The following TMEM132C variants were observed in gnomAD, a reference collection of about 807,000 sequenced individuals.
The protein encoded by TMEM132C is transmembrane protein 132C, also known as protein phosphatase 1, regulatory subunit 152.
TMEM132C carries 29 observed loss-of-function variants against 61.4 expected under a neutral mutation model. The ratio of observed to expected loss-of-function variants is 0.47; its 90% confidence interval spans 0.35 to 0.64. TMEM132C has a LOEUF of 0.64. Ranked by LOEUF, TMEM132C falls within the 30% of genes least tolerant of loss-of-function variation. The pLI, the probability that TMEM132C is intolerant of heterozygous loss-of-function variation, is 0.00. For synonymous variants in TMEM132C, 656 were observed against 633.1 expected, an observed-to-expected ratio of 1.04 and a Z score of -0.54; for missense variants, 1,408 against 1,476.9, an observed-to-expected ratio of 0.95 and a Z score of 0.76.
intron 2 of TMEM132C, among the ~76,000 whole-genome samples, chr12:128,456,927 G>A (rs969894622): frequency 1.1e-4 from 17 of 151,872 alleles, no homozygotes; most frequent in African/African-American, 3.6e-4. Flanking sequence ...CACTATTTTC[G>A]CTGGCTTCCT....
chr12:128,299,401 G>A (rs1871524829), intron 1 of TMEM132C, among the ~76,000 whole-genome samples: 2 of 152,236 alleles, frequency 1.3e-5, no homozygotes, highest in African/African-American at 4.8e-5. Context: ...TAGATGAGCT[G>A]GTCCATGAGA....
chr12:128,353,092 AC>A (rs2135964300), intron 1 of TMEM132C, among the ~76,000 whole-genome samples: 1 of 152,352 alleles, frequency 6.6e-6, no homozygotes, highest in Admixed American at 6.5e-5. Flanking sequence ...AAAGCATATA[AC>A]AAAGTAGAGA....
chr12:128,341,859 C>A (rs1305392005), intron 1 of TMEM132C, among the ~76,000 whole-genome samples: 2 of 144,150 alleles, frequency 1.4e-5, no homozygotes, highest in Non-Finnish European at 3.0e-5. Flanking sequence ...ATCTTAACTA[C>A]TCGATAAACC....
chr12:128,281,416 G>A (rs564210689), intron 1 of TMEM132C, among the ~76,000 whole-genome samples: 3 of 152,318 alleles, frequency 2.0e-5, no homozygotes, highest in South Asian at 2.1e-4. Context: ...GCTCCACTGT[G>A]TAGACATGGG....
chr12:128,399,341 C>T (rs1875069195), intron 1 of TMEM132C, among the ~76,000 whole-genome samples: 1 of 152,138 alleles, frequency 6.6e-6, no homozygotes, highest in Admixed American at 6.5e-5. Flanking sequence ...ATAATTGGGA[C>T]TCTCAGGGTT....
chr12:128,430,211 C>T (rs1244240329), intron 2 of TMEM132C, among the ~76,000 whole-genome samples: 1 of 152,172 alleles, frequency 6.6e-6, no homozygotes, highest in East Asian at 1.9e-4. Context: ...CACTTCGCTT[C>T]GTATGACACA....
intron 4 of TMEM132C, among the ~76,000 whole-genome samples, chr12:128,656,268 C>G (rs1392999090): frequency 6.6e-6 from 1 of 152,182 alleles, no homozygotes; most frequent in Non-Finnish European, 1.5e-5. Flanking sequence ...CCAGGCTGGT[C>G]TCGAACTCCT....
At chr12:128,270,387 G>C (rs1235554904) in intron 1 of TMEM132C, among the ~76,000 whole-genome samples, 3 of 152,184 alleles carry the variant, frequency 2.0e-5, no homozygotes, top group Non-Finnish European at 4.4e-5. Context: ...ATTGCACATC[G>C]TGCTGACTTT....
intron 1 of TMEM132C, among the ~76,000 whole-genome samples, chr12:128,371,850 A>T (rs778530149): frequency 5.3e-5 from 8 of 152,214 alleles, no homozygotes; most frequent in Non-Finnish European, 8.8e-5. Flanking sequence ...AAGCACCAGG[A>T]TTACAGACAT....
chr12:128,501,298 T>A (rs1211201207), intron 2 of TMEM132C, among the ~76,000 whole-genome samples: 1 of 152,194 alleles, frequency 6.6e-6, no homozygotes, highest in Non-Finnish European at 1.5e-5. Context: ...AGGCTGGTGG[T>A]CAATTTTGAA....
At chr12:128,531,548 TACAC>T (rs774635236) in intron 2 of TMEM132C, among the ~76,000 whole-genome samples, 4 of 152,326 alleles carry the variant, frequency 2.6e-5, no homozygotes, top group South Asian at 2.1e-4. Context: ...CACACATGCA[TACAC>T]ACACATAACC....
intron 3 of TMEM132C, among the ~76,000 whole-genome samples, chr12:128,614,164 T>C (rs537835857): frequency 5.9e-5 from 9 of 152,342 alleles, no homozygotes; most frequent in African/African-American, 2.2e-4. Flanking sequence ...GTTCTATTGA[T>C]CAACAGCTCT....
intron 7 of TMEM132C, among the ~76,000 whole-genome samples, chr12:128,696,916 C>T (rs1300009339): frequency 1.5e-4 from 23 of 152,130 alleles, no homozygotes; most frequent in Admixed American, 1.4e-3. Context: ...TACAGTTAAC[C>T]AGGTCGTGCA....
intron 1 of TMEM132C, among the ~76,000 whole-genome samples, chr12:128,392,064 T>TCTCTCTCTCTCTCTCTCTCTCTCTCTCTC (rs1555222005): frequency 7.7e-6 from 1 of 130,494 alleles, no homozygotes; most frequent in African/African-American, 3.3e-5. Flanking sequence ...CTCTCTCTCT[T>TCTCTCTCTCTCTCTCTCTCTCTCTCTCTC]TCTCTCTCTC....
At position 128,543,922 on chromosome 12, in the gene TMEM132C, C is replaced by G. The variant is rs2093469659; in HGVS notation, c.975-35C>G. The G allele has an allele frequency of 1.9e-6, 3 of 1,539,638 alleles. No individual in the cohort carries two copies. In the African/African-American group the frequency reaches 4.1e-5, roughly 21 times the overall value. ...ACGTTGGAAAGGCCAAGCCTTAACC[C>G]TGTCTCTCTCTCTCTCCCATCTTCA... On this transcript the variant is annotated intron_variant, in intron 2 of 8. Coordinates refer to ENST00000435159, the MANE Select transcript of TMEM132C (RefSeq NM_001136103.3).
chr12:128,534,477 C>T (rs1055786417), intron 2 of TMEM132C, among the ~76,000 whole-genome samples: 1 of 152,172 alleles, frequency 6.6e-6, no homozygotes, highest in Non-Finnish European at 1.5e-5. Flanking sequence ...CTAGGGCCAC[C>T]CTGGATGCAG....
intron 2 of TMEM132C, among the ~76,000 whole-genome samples, chr12:128,517,265 T>TAAATAAACAAAC (rs1168389584): frequency 3.7e-5 from 5 of 136,608 alleles, no homozygotes; most frequent in African/African-American, 1.2e-4. Flanking sequence ...AATAAATAAA[T>TAAATAAACAAAC]AAACAAACAA....
chr12:128,504,914 ATAGC>A (rs1161595062), intron 2 of TMEM132C, among the ~76,000 whole-genome samples: 1 of 146,360 alleles, frequency 6.8e-6, no homozygotes, highest in Non-Finnish European at 1.5e-5. Flanking sequence ...TGCAGAAAAA[ATAGC>A]TAGTATGATA....
Position 128,446,294 on chromosome 12 carries a change from T to G in TMEM132C, c.974+30674T>G, listed in dbSNP as rs182170792. On this transcript the variant is annotated intron_variant, in intron 2 of 8. Transcript: ENST00000435159. ...GAGCTCAAGTCTCAGATCTAAGAAG[T>G]TCTAGATGCTGGGCCATGAGGGATG... Among the ~76,000 whole-genome samples, 18 of 152,262 alleles carry G rather than the reference T, an allele frequency of 1.2e-4. No individual in the cohort carries two copies. In the East Asian group the frequency reaches 3.5e-3, roughly 29 times the overall value.
Sources: gnomAD v4.1 joint callset for allele counts (sites outside exome capture counted in the v4.1 genomes callset) on GRCh38, gnomAD v4.1.1 for gene constraint, MANE v1.5 for transcripts, NCBI Gene and HGNC (gene_info 2026-07-23, HGNC 2026-07-21) for gene names.